LYPLAL1: variants seen among roughly 807,000 people sequenced by gnomAD.
The protein encoded by LYPLAL1 is lysophospholipase-like protein 1.
LYPLAL1 carries 23 observed loss-of-function variants against 19.7 expected under a neutral mutation model. The observed-to-expected ratio is 1.17, with a 90% CI of 0.84 to 1.65. The LOEUF is 1.65. Ranked by LOEUF, LYPLAL1 falls within the 40% of genes most tolerant of loss-of-function variation. LYPLAL1 has a pLI of 0.00. For synonymous variants in LYPLAL1, 119 were observed against 96.3 expected (o/e 1.24, Z -1.38); for missense variants, 355 against 279.4 (o/e 1.27, Z -1.93).
the LYPLAL1 span, among the ~76,000 whole-genome samples, chr1:219,241,895 C>T: frequency 2.6e-5 from 4 of 152,078 alleles, no homozygotes; most frequent in African/African-American, 7.2e-5. Flanking sequence ...TGGTGTTGAC[C>T]AGCTGGCTTT....
intron 3 of LYPLAL1, among the ~76,000 whole-genome samples, chr1:219,199,203 G>A (rs1468963827): frequency 6.6e-6 from 1 of 152,044 alleles, no homozygotes; most frequent in African/African-American, 2.4e-5. Flanking sequence ...ATTCTTTTAG[G>A]TATGATTAGA....
At chr1:219,249,224 T>C in the LYPLAL1 span, among the ~76,000 whole-genome samples, 1 of 152,170 alleles carries the variant, frequency 6.6e-6, no homozygotes, top group Non-Finnish European at 1.5e-5. Flanking sequence ...TCTATCATTC[T>C]TTCCCTTTAA....
chr1:219,220,315 A>T, the LYPLAL1 span, among the ~76,000 whole-genome samples: 30 of 152,246 alleles, frequency 2.0e-4, no homozygotes, highest in African/African-American at 6.7e-4. Flanking sequence ...AAGTAAATCC[A>T]TATCTGTTAA....
the LYPLAL1 span, among the ~76,000 whole-genome samples, chr1:219,316,750 G>A: frequency 6.6e-6 from 1 of 152,146 alleles, no homozygotes; most frequent in Non-Finnish European, 1.5e-5. Flanking sequence ...CTGCAATGTG[G>A]ATTAATCTTG....
At chr1:219,364,402 C>T in the LYPLAL1 span, among the ~76,000 whole-genome samples, 41 of 152,176 alleles carry the variant, frequency 2.7e-4, no homozygotes, top group Non-Finnish European at 4.6e-4. Context: ...TTGACCTTTG[C>T]GTTCTAGCCT....
the LYPLAL1 span, among the ~76,000 whole-genome samples, chr1:219,229,001 A>C: frequency 6.6e-6 from 1 of 152,006 alleles, no homozygotes; most frequent in African/African-American, 2.4e-5. Flanking sequence ...TATGTATTGT[A>C]ACTCTTTTAA....
At chr1:219,231,353 C>T in the LYPLAL1 span, among the ~76,000 whole-genome samples, 1 of 152,160 alleles carries the variant, frequency 6.6e-6, no homozygotes, top group Admixed American at 6.5e-5. Context: ...AATGCAAGAA[C>T]ATGAAGATGT....
At chr1:219,317,129 C>T in the LYPLAL1 span, among the ~76,000 whole-genome samples, 2 of 152,120 alleles carry the variant, frequency 1.3e-5, no homozygotes, top group Non-Finnish European at 2.9e-5. Context: ...TTTTTATAAA[C>T]TTGCCCTTTT....
At chr1:219,233,697 G>A in the LYPLAL1 span, among the ~76,000 whole-genome samples, 13 of 151,792 alleles carry the variant, frequency 8.6e-5, no homozygotes, top group African/African-American at 3.1e-4. Context: ...TTGAGACCAC[G>A]AGGTCGAGGC....
chr1:219,436,470 T>C, the LYPLAL1 span, among the ~76,000 whole-genome samples: 1 of 152,140 alleles, frequency 6.6e-6, no homozygotes, highest in Non-Finnish European at 1.5e-5. Context: ...CTAACAGTAA[T>C]AGGGGCCCTT....
chr1:219,276,974 T>C, the LYPLAL1 span, among the ~76,000 whole-genome samples: 1 of 152,158 alleles, frequency 6.6e-6, no homozygotes, highest in Admixed American at 6.5e-5. Flanking sequence ...ATTACCCCAA[T>C]GACTTCCATA....
the LYPLAL1 span, among the ~76,000 whole-genome samples, chr1:219,281,811 T>G: frequency 6.6e-6 from 1 of 152,214 alleles, no homozygotes; most frequent in African/African-American, 2.4e-5. Context: ...TTTTCTTTTT[T>G]TCTGAACGGC....
the LYPLAL1 span, chr1:219,271,314 AG>A: frequency 6.6e-6 from 1 of 151,324 alleles, no homozygotes. Flanking sequence ...CTTGGGAGCT[AG>A]CTTGTGCTAA....
the LYPLAL1 span, among the ~76,000 whole-genome samples, chr1:219,389,532 G>A: frequency 6.6e-6 from 1 of 152,136 alleles, no homozygotes; most frequent in African/African-American, 2.4e-5. Context: ...CCCTTAAAAG[G>A]GGAAAATTTT....
the LYPLAL1 span, among the ~76,000 whole-genome samples, chr1:219,380,790 T>A: frequency 6.6e-6 from 1 of 152,312 alleles, no homozygotes; most frequent in African/African-American, 2.4e-5. Flanking sequence ...AAAGTAAATA[T>A]CTTACTCTTT....
At chr1:219,313,979 A>G in the LYPLAL1 span, among the ~76,000 whole-genome samples, 1 of 151,792 alleles carries the variant, frequency 6.6e-6, no homozygotes, top group Non-Finnish European at 1.5e-5. Flanking sequence ...CACTCTTTTC[A>G]CCCTCCACCC....
chr1:219,217,333 A>G (rs908961532), downstream of LYPLAL1, among the ~76,000 whole-genome samples: 2 of 151,162 alleles, frequency 1.3e-5, no homozygotes, highest in Non-Finnish European at 2.9e-5. Context: ...ACAAAATGAA[A>G]AGTTAAACAG....
the LYPLAL1 span, among the ~76,000 whole-genome samples, chr1:219,444,807 G>T: frequency 6.6e-6 from 1 of 152,146 alleles, no homozygotes; most frequent in Non-Finnish European, 1.5e-5. Flanking sequence ...TCTTCCTCCA[G>T]AATTTTACTT....
chr1:219,320,739 C>T, the LYPLAL1 span, among the ~76,000 whole-genome samples: 2 of 152,114 alleles, frequency 1.3e-5, no homozygotes, highest in Non-Finnish European at 1.5e-5. Flanking sequence ...TGGTTTCCAG[C>T]TTCATCCATG....
Sources: allele counts gnomAD v4.1 joint callset (sites outside exome capture counted in the v4.1 genomes callset), GRCh38; gene constraint gnomAD v4.1.1; transcripts MANE v1.5; gene names NCBI Gene and HGNC (gene_info 2026-07-23, HGNC 2026-07-21).